The following UCHL1 variants were observed in gnomAD, a reference collection of about 807,000 sequenced individuals.
UCHL1 encodes the protein ubiquitin carboxyl-terminal hydrolase isozyme L1.
In UCHL1, 5 loss-of-function variants were observed where a neutral mutation model predicts 33.3. That is an observed-to-expected ratio of 0.15 (90% confidence interval 0.08 to 0.32). The LOEUF (loss-of-function observed/expected upper bound fraction) is 0.32, where lower values mean the gene tolerates loss of function less well. Ranked by LOEUF, UCHL1 falls within the 10% of genes least tolerant of loss-of-function variation. The pLI is 1.00. For missense variants in UCHL1, 236 were observed against 280.0 expected (o/e 0.84, Z 1.12); for synonymous variants, 132 against 108.8 (o/e 1.21, Z -1.33).
chr4:41,261,869 T>TC lies in UCHL1; in HGVS notation c.412-5dup, dbSNP rs756685050. The stretch of plus-strand genomic sequence containing the variant: ...TTTTTGTGCTAATTATTTTCTTTTT[T>TC]CCGCAGGCCATACAGGCAGCCCATG... On this transcript the variant is annotated splice_region_variant and splice_polypyrimidine_tract_variant and intron_variant, in intron 5 of 8. Coordinates refer to ENST00000284440, the MANE Select transcript of UCHL1 (RefSeq NM_004181.5). The TC allele has an allele frequency of 3.1e-6, 5 of 1,614,150 alleles. No individual in the cohort carries two copies. Among genetic ancestry groups the TC allele is most frequent in the Admixed American group, 1.7e-5 (1 of 60,012 alleles).
intron 2 of UCHL1, 113 bp downstream of exon 2, chr4:41,257,239 G>A (rs1168992190): frequency 6.5e-7 from 1 of 1,542,874 alleles, no homozygotes; most frequent in Non-Finnish European, 8.8e-7. Context: ...GAGCACCGGA[G>A]ACGGCCGGGC....
intron 6 of UCHL1, 66 bp downstream of exon 6, chr4:41,261,989 C>T (rs1781076275): frequency 6.3e-7 from 1 of 1,589,816 alleles, no homozygotes; most frequent in Non-Finnish European, 8.6e-7. Context: ...TGAAATTGTG[C>T]AGGAATCTCT....
At position 41,267,971 on chromosome 4, in the gene UCHL1, C is replaced by T; in HGVS notation, c.586-16C>T. The T allele has an allele frequency of 6.2e-7, 1 of 1,610,016 alleles. No homozygotes were observed. Among genetic ancestry groups the T allele is most frequent in the Non-Finnish European group, 8.5e-7 (1 of 1,177,644 alleles). On this transcript the variant is annotated splice_polypyrimidine_tract_variant and intron_variant, in intron 8 of 8. Coordinates refer to ENST00000284440, the MANE Select transcript of UCHL1 (RefSeq NM_004181.5). ...GCTCTTGCTGTTTGGATTTTAATGA[C>T]ATTTCTCCTTTCCAGGACGCTGCCA...
intron 3 of UCHL1, among the ~76,000 whole-genome samples, chr4:41,258,582 T>C (rs1781021879): frequency 6.6e-6 from 1 of 152,180 alleles, no homozygotes; most frequent in Non-Finnish European, 1.5e-5. Context: ...TGGCATTGTC[T>C]TATCTCCTAT....
At chr4:41,261,099 G>A (rs566208076) in intron 4 of UCHL1, among the ~76,000 whole-genome samples, 3 of 152,180 alleles carry the variant, frequency 2.0e-5, no homozygotes, top group Non-Finnish European at 4.4e-5. Context: ...TTAATGCTCA[G>A]TGTGGATAAG....
chr4:41,268,222 G>C lies in UCHL1; in HGVS notation c.*149G>C. 1.3e-6 allele frequency: 1 copy of C among 742,798 alleles called. No homozygotes were observed. Among genetic ancestry groups the C allele is most frequent in the South Asian group, 1.6e-5 (1 of 62,840 alleles). The allele number at this position is 742,798 out of a possible 1,614,324, so 46.0% of individuals were successfully genotyped here. On this transcript the variant is annotated 3_prime_UTR_variant, in exon 9 of 9. Transcript: ENST00000284440. ...ACGCCTTCCCCTCAGCCACACCCAG[G>C]CACTTAAGCACAAGCAGAGTGCACA...
chr4:41,257,001 A>G lies in UCHL1; in HGVS notation c.25A>G (p.Asn9Asp), dbSNP rs774679952. 4.3e-6 allele frequency: 7 copies of G among 1,614,088 alleles called. No individual in the cohort carries two copies. The highest frequency in any genetic ancestry group is 5.9e-6 in the Non-Finnish European group (7 of 1,180,024). Residue 9 changes from asparagine to aspartate, a missense_variant, in exon 1 of 9, where the codon AAC (asparagine) becomes GAC (aspartate). Coordinates refer to ENST00000284440, the MANE Select transcript of UCHL1 (RefSeq NM_004181.5). Reference protein sequence around the residue: MQLKPMEINPEMLNKVLSR... With the variant: MQLKPMEIDPEMLNKVLSR... ...GATGCAGCTCAAGCCGATGGAGATCAACCCCGAGGTGAGCGCCAGGTGCAC... is the reference window on the plus strand; with the variant it reads ...GATGCAGCTCAAGCCGATGGAGATCGACCCCGAGGTGAGCGCCAGGTGCAC...
chr4:41,261,872 G>A lies in UCHL1; in HGVS notation c.412-4G>A, dbSNP rs765745344. 1.5e-5 allele frequency: 25 copies of A among 1,613,696 alleles called. No homozygotes were observed. The highest frequency in any genetic ancestry group is 1.0e-4 in the Admixed American group (6 of 59,962). On this transcript the variant is annotated splice_region_variant and splice_polypyrimidine_tract_variant and intron_variant, in intron 5 of 8. Coordinates refer to ENST00000284440, the MANE Select transcript of UCHL1 (RefSeq NM_004181.5). ...TTGTGCTAATTATTTTCTTTTTTCC[G>A]CAGGCCATACAGGCAGCCCATGATG...
intron 8 of UCHL1, among the ~76,000 whole-genome samples, chr4:41,267,463 G>C (rs1000723042): frequency 4.6e-5 from 7 of 152,052 alleles, no homozygotes; most frequent in African/African-American, 1.4e-4. Flanking sequence ...GGCCAGGATG[G>C]TCTCTATCTC....
rs1288606333 is a variant in UCHL1, at chr4:41,261,931, C to T, written c.459+8C>T. On this transcript the variant is annotated splice_region_variant and intron_variant, in intron 6 of 8. Coordinates refer to ENST00000284440, the MANE Select transcript of UCHL1 (RefSeq NM_004181.5). ...CAGGAAGGCCAATGTCGGGTAAATG[C>T]AAATACAAATCGGAGCCAGGCTGCC... 9.3e-6 allele frequency: 15 copies of T among 1,613,850 alleles called. No homozygotes were observed. Among genetic ancestry groups the T allele is most frequent in the Non-Finnish European group, 1.0e-5 (12 of 1,179,992 alleles).
At chr4:41,257,207 C>G (rs889076925) in intron 2 of UCHL1, 81 bp downstream of exon 2, 36 of 1,606,814 alleles carry the variant, frequency 2.2e-5, no homozygotes, top group South Asian at 7.7e-5. Context: ...CGGCTGCTGG[C>G]AGGGACCAAG....
At chr4:41,263,623 G>A (rs931981713) in intron 7 of UCHL1, among the ~76,000 whole-genome samples, 47 of 152,190 alleles carry the variant, frequency 3.1e-4, no homozygotes, top group African/African-American at 1.1e-3. Flanking sequence ...CAAGAAAGAC[G>A]ACCCACCTTG....
rs1781120774 is a variant in UCHL1, at chr4:41,264,286, A to AGG, written c.585+127_585+128dup. ...GTTGCCTGGGTTAATAGCAGTCTTT[A>AGG]GGGCTGCAAGATCCTCTTAGTAACT... is the stretch of plus-strand genomic sequence containing the variant. On this transcript the variant is annotated intron_variant, in intron 8 of 8. Coordinates refer to ENST00000284440, the MANE Select transcript of UCHL1 (RefSeq NM_004181.5). 60 of 1,218,744 alleles carry AGG rather than the reference A, an allele frequency of 4.9e-5. 2 individuals carry two copies. The South Asian group carries it at 7.2e-4, about 15-fold the overall frequency. The allele number at this position is 1,218,744 out of a possible 1,614,324, so 75.5% of individuals were successfully genotyped here. A position where few individuals can be genotyped will look rare whatever the true frequency, so the allele number is the denominator to read the frequency against.
intron 2 of UCHL1, 99 bp from the exon 3 acceptor site, chr4:41,257,510 G>A: frequency 7.4e-7 from 1 of 1,352,122 alleles, no homozygotes; most frequent in Non-Finnish European, 9.4e-7. Flanking sequence ...AGGCTCGGGT[G>A]CGGGCGCGGA....
intron 3 of UCHL1, 77 bp from the exon 4 acceptor site, chr4:41,260,570 G>A: frequency 6.4e-7 from 1 of 1,550,712 alleles, no homozygotes; most frequent in Non-Finnish European, 8.8e-7. Flanking sequence ...TTTCCATTTA[G>A]TTGGTAGAAC....
chr4:41,257,315 A>G lies in UCHL1; in HGVS notation c.45+189A>G, dbSNP rs1780993386. On this transcript the variant is annotated intron_variant, in intron 2 of 8. Transcript: ENST00000284440. ...AGCGGGTGACTCTACGAAACCGGTC[A>G]CGGGGAGACGGAGGGGGCTGCGCCC... The G allele has an allele frequency of 5.7e-6, 6 of 1,050,770 alleles. No homozygotes were observed. The South Asian group carries it at 6.8e-5, about 12-fold the overall frequency. 65.1% of individuals were successfully genotyped at this position (1,050,770 alleles called of 1,614,324 possible). A position where few individuals can be genotyped will look rare whatever the true frequency, so the allele number is the denominator to read the frequency against.
rs866420595 is a variant in UCHL1, at chr4:41,257,245, C to T, written c.45+119C>T. The T allele has an allele frequency of 4.0e-6, 6 of 1,491,104 alleles. No homozygotes were observed. In the Admixed American group the frequency reaches 8.4e-5, roughly 21 times the overall value. 92.4% of individuals were successfully genotyped at this position (1,491,104 alleles called of 1,614,324 possible). On this transcript the variant is annotated intron_variant, in intron 2 of 8. Transcript: ENST00000284440. The stretch of plus-strand genomic sequence containing the variant: ...GCCCGCTGCGAGCACCGGAGACGGC[C>T]GGGCTGGGGCGTGGGCTGGGCGCCT...
intron 8 of UCHL1, 177 bp downstream of exon 8, chr4:41,264,338 G>A: frequency 1.3e-6 from 1 of 768,936 alleles, no homozygotes; most frequent in Admixed American, 2.1e-5. Flanking sequence ...ATTGCAAGTG[G>A]TTTTAAACAG....
In UCHL1 at chr4:41,260,494, C is replaced by T. The variant is rs558958336; in HGVS notation, c.175-153C>T. ...GTGGGTGGTGTGGGAGGCAGACAGA[C>T]GGGCCCTTCTCTGGGAGTCAGCCAA... On this transcript the variant is annotated intron_variant, in intron 3 of 8. Coordinates refer to ENST00000284440, the MANE Select transcript of UCHL1 (RefSeq NM_004181.5). The T allele has an allele frequency of 8.1e-5, 74 of 913,546 alleles. 3 individuals are homozygous for T. The African/African-American group carries it at 1.0e-3, about 13-fold the overall frequency. The allele number at this position is 913,546 out of a possible 1,614,324, so 56.6% of individuals were successfully genotyped here.
Sources: gnomAD v4.1 joint callset for allele counts (sites outside exome capture counted in the v4.1 genomes callset) on GRCh38, gnomAD v4.1.1 for gene constraint, MANE v1.5 for transcripts, NCBI Gene and HGNC (gene_info 2026-07-23, HGNC 2026-07-21) for gene names.